Variants in PATE4 observed in about 807,000 individuals in gnomAD.
PATE4 encodes prostate and testis expressed 4.
Under a neutral mutation model 8.5 loss-of-function variants are expected in PATE4, and 13 were observed. The observed-to-expected ratio is 1.53, with a 90% CI of 1.00 to 2.43. The LOEUF is 2.43. Among genes scored for constraint, PATE4 ranks in the 30% most tolerant of loss-of-function variants. PATE4 has a pLI of 0.00. For synonymous variants in PATE4, 47 were observed against 39.3 expected (o/e 1.20, Z -0.73); for missense variants, 127 against 115.5 (o/e 1.10, Z -0.46).
In PATE4 at chr11:125,837,982, G is replaced by T; in HGVS notation, c.173G>T (p.Arg58Met). Residue 58 changes from arginine to methionine, a missense_variant and splice_region_variant, in exon 2 of 3, where the codon AGG becomes ATG. Arg to Met is a moderately conservative substitution (Grantham distance 91). Transcript: ENST00000457514. ...TTATGTTCAACAACAGCCTATTTCA[G>T]GGGTAAGTGGGGCTCATGAAGACTC... ...NELCSTTAYF[R>M]GDKHMYSTHM... 6.5e-7 allele frequency: 1 copy of T among 1,549,962 alleles called. No homozygotes were observed. The highest frequency in any genetic ancestry group is 8.7e-7 in the Non-Finnish European group (1 of 1,145,466).
rs972918170 is a variant in PATE4, at chr11:125,833,340, G to A, written c.-20G>A. 4 of 1,550,952 alleles carry A rather than the reference G, an allele frequency of 2.6e-6. No homozygotes were observed. The African/African-American group carries it at 5.5e-5, about 21-fold the overall frequency. On this transcript the variant is annotated 5_prime_UTR_variant, in exon 1 of 3. Coordinates refer to ENST00000457514, the MANE Select transcript of PATE4 (RefSeq NM_001144874.1). ...CAATACCTCACTCAGCACACCGTCT[G>A]TCACCCAAACAAGCATCCAATGAGG...
At position 125,833,367 on chromosome 11, in the gene PATE4, A is replaced by C. The variant is rs1322993996; in HGVS notation, c.8A>C (p.Lys3Thr). Residue 3 changes from lysine to threonine, a missense_variant, in exon 1 of 3, where the codon AAA becomes ACA. Physicochemically the swap from Lys to Thr is moderately conservative, Grantham distance 78 (BLOSUM62 -1). Transcript: ENST00000457514. ...CACCCAAACAAGCATCCAATGAGGA[A>C]AATGAACACACTGCTCCTTGTGAGC... Reference protein sequence around the residue: MRKMNTLLLVSLS... With the variant: MRTMNTLLLVSLS... 7 of 1,551,432 alleles carry C rather than the reference A, an allele frequency of 4.5e-6. No individual in the cohort carries two copies. The highest frequency in any genetic ancestry group is 3.9e-5 in the Admixed American group (2 of 50,986).
intron 2 of PATE4, 26 bp from the exon 3 acceptor site, chr11:125,838,280 T>A (rs1430285076): frequency 1.8e-5 from 28 of 1,525,264 alleles, no homozygotes; most frequent in Non-Finnish European, 2.5e-5. Context: ...TCCTCCAGCA[T>A]TTATAACAGG....
At chr11:125,836,025 G>T (rs1362800628) in intron 1 of PATE4, 1 of 152,026 alleles carries the variant, frequency 6.6e-6, no homozygotes, top group African/African-American at 2.4e-5. Flanking sequence ...GGTGAGAAAC[G>T]TGGGCTTTTA....
At chr11:125,835,270 T>C (rs528275186) in intron 1 of PATE4, 3 of 152,382 alleles carry the variant, frequency 2.0e-5, no homozygotes, top group African/African-American at 7.2e-5. Flanking sequence ...TAGTGTCCTC[T>C]GGTGTTTGGA....
chr11:125,834,588 A>G (rs1286779838), intron 1 of PATE4, among the ~76,000 whole-genome samples: 1 of 152,178 alleles, frequency 6.6e-6, no homozygotes, highest in African/African-American at 2.4e-5. Context: ...TGATAGCAAC[A>G]GAATAGTTAC....
At chr11:125,833,788 A>G (rs547055589) in intron 1 of PATE4, among the ~76,000 whole-genome samples, 1 of 152,266 alleles carries the variant, frequency 6.6e-6, no homozygotes, top group South Asian at 2.1e-4. Context: ...ATCATTAAAC[A>G]CTGGGATACC....
At chr11:125,835,056 C>T (rs1330476801) in intron 1 of PATE4, 1 of 152,124 alleles carries the variant, frequency 6.6e-6, no homozygotes, top group Non-Finnish European at 1.5e-5. Context: ...ACACAACATT[C>T]TTTTTCTATT....
rs1035134537 is a variant in PATE4 at position 125,838,519 on chromosome 11, A to T, written c.*92A>T. 9.9e-6 allele frequency: 14 copies of T among 1,414,016 alleles called. No individual in the cohort carries two copies. Among genetic ancestry groups the T allele is most frequent in the Non-Finnish European group, 1.3e-5 (14 of 1,073,512 alleles). 87.6% of individuals were successfully genotyped at this position (1,414,016 alleles called of 1,614,324 possible). ...TGTTTTATTTCCCACACCAAATTCC[A>T]CACTGGCCTAAGATCCCAGAGAGAG... On this transcript the variant is annotated 3_prime_UTR_variant, in exon 3 of 3. Coordinates refer to ENST00000457514, the MANE Select transcript of PATE4 (RefSeq NM_001144874.1).
intron 1 of PATE4, among the ~76,000 whole-genome samples, chr11:125,836,114 A>T (rs966634822): frequency 2.1e-4 from 28 of 134,188 alleles, no homozygotes; most frequent in African/African-American, 7.9e-4. Flanking sequence ...CCCGAAAGTG[A>T]TGGCAAGACT....
At position 125,839,845 on chromosome 11, in the gene PATE4, T is replaced by G. The variant is rs555437679; in HGVS notation, c.*1418T>G. ...AACACGTGGGAATTGAAGATGAAAT[T>G]TGGGTGGGGACACAGCCAAACCATA... On this transcript the variant is annotated 3_prime_UTR_variant, in exon 3 of 3. Coordinates refer to ENST00000457514, the MANE Select transcript of PATE4 (RefSeq NM_001144874.1). 6.6e-6 allele frequency: 1 copy of G among 152,278 alleles called. No homozygotes were observed. The highest frequency in any genetic ancestry group is 2.1e-4 in the South Asian group (1 of 4,824). 9.4% of individuals were successfully genotyped at this position (152,278 alleles called of 1,614,324 possible). A position where few individuals can be genotyped will look rare whatever the true frequency, so the allele number is the denominator to read the frequency against.
At chr11:125,835,831 G>C (rs1943915930) in intron 1 of PATE4, 1 of 152,174 alleles carries the variant, frequency 6.6e-6, no homozygotes, top group Admixed American at 6.5e-5. Flanking sequence ...AAATGGGTCA[G>C]AAACTATCAC....
At chr11:125,836,123 C>CTTT (rs59732867) in intron 1 of PATE4, among the ~76,000 whole-genome samples, 7 of 140,688 alleles carry the variant, frequency 5.0e-5, no homozygotes, top group Admixed American at 2.1e-4. Context: ...GATGGCAAGA[C>CTTT]TTTTTTTTTT....
intron 1 of PATE4, among the ~76,000 whole-genome samples, chr11:125,834,633 A>G (rs1040544453): frequency 6.6e-6 from 1 of 152,236 alleles, no homozygotes; most frequent in East Asian, 1.9e-4. Flanking sequence ...AATACCTATC[A>G]AAATTACAAA....
intron 1 of PATE4, among the ~76,000 whole-genome samples, chr11:125,836,965 A>C (rs1204617589): frequency 6.6e-6 from 1 of 152,224 alleles, no homozygotes; most frequent in Admixed American, 6.5e-5. Flanking sequence ...TGGATTTATC[A>C]TTAAGAGGTC....
At chr11:125,837,033 G>A (rs751666589) in intron 1 of PATE4, among the ~76,000 whole-genome samples, 35 of 152,176 alleles carry the variant, frequency 2.3e-4, no homozygotes, top group Non-Finnish European at 3.5e-4. Flanking sequence ...ATGAAGAGAT[G>A]CCACAAGACC....
chr11:125,838,393 T>G lies in PATE4; in HGVS notation c.263T>G (p.Leu88Arg). 6.4e-7 allele frequency: 1 copy of G among 1,551,198 alleles called. No individual in the cohort carries two copies. The highest frequency in any genetic ancestry group is 8.7e-7 in the Non-Finnish European group (1 of 1,146,822). ...AAAAGAGGCCTGTTGAGAGTGACAC[T>G]GTGCTGTGACAGAAACTTCTGTAAT... is the stretch of plus-strand genomic sequence containing the variant. ...SSKRGLLRVT[L>R]CCDRNFCNVF Residue 88 changes from leucine to arginine, a missense_variant, in exon 3 of 3, where the codon CTG (leucine) becomes CGG (arginine). Physicochemically the swap from Leu to Arg is moderately radical, Grantham distance 102. Coordinates refer to ENST00000457514, the MANE Select transcript of PATE4 (RefSeq NM_001144874.1).
chr11:125,838,069 T>C (rs759741552), intron 2 of PATE4, 85 bp downstream of exon 2: 4 of 1,150,782 alleles, frequency 3.5e-6, no homozygotes, highest in Non-Finnish European at 3.8e-6. Context: ...CTCGATATCA[T>C]TTAGCTCTGC....
At chr11:125,833,712 C>T (rs34506449) in intron 1 of PATE4, among the ~76,000 whole-genome samples, 30,568 of 152,102 alleles carry the variant, frequency 0.2, 3,189 homozygotes, top group East Asian at 0.3. Context: ...ATCTCCTACA[C>T]TCTCCTAGTT....
Sources: gnomAD v4.1 joint callset for allele counts (sites outside exome capture counted in the v4.1 genomes callset) on GRCh38, gnomAD v4.1.1 for gene constraint, MANE v1.5 for transcripts, NCBI Gene and HGNC (gene_info 2026-07-23, HGNC 2026-07-21) for gene names.